SLC10A6: variants seen among roughly 807,000 people sequenced by gnomAD.
SLC10A6 encodes solute carrier family 10 member 6.
SLC10A6 carries 27 observed loss-of-function variants against 30.0 expected under a neutral mutation model. The ratio of observed to expected loss-of-function variants is 0.90; its 90% CI spans 0.66 to 1.24. The LOEUF (loss-of-function observed/expected upper bound fraction) is 1.24, where lower values mean the gene tolerates loss of function less well. Among genes scored for constraint, SLC10A6 ranks in the 50% most tolerant of loss-of-function variants. The probability of loss-of-function intolerance (pLI) is 0.00; values close to 1 mark genes in which losing one functional copy is unlikely to be tolerated. For missense variants in SLC10A6, 439 were observed against 457.0 expected (o/e 0.96, Z 0.36); for synonymous variants, 166 against 173.8 (o/e 0.95, Z 0.36).
intron 1 of SLC10A6, among the ~76,000 whole-genome samples, chr4:86,843,053 T>A (rs1746334271): frequency 6.6e-6 from 1 of 151,832 alleles, no homozygotes; most frequent in Admixed American, 6.6e-5. Context: ...GTATTTTTAG[T>A]AGAGATGGGG....
intron 2 of SLC10A6, 50 bp downstream of exon 2, chr4:86,833,256 A>T: frequency 7.4e-7 from 1 of 1,348,980 alleles, no homozygotes; most frequent in South Asian, 1.2e-5. Flanking sequence ...AGCTATTATT[A>T]GTATCATCAC....
chr4:86,833,274 G>C (rs1746117655), intron 2 of SLC10A6, 32 bp downstream of exon 2: 2 of 1,475,958 alleles, frequency 1.4e-6, no homozygotes, highest in Non-Finnish European at 1.9e-6. Flanking sequence ...CACCATTACT[G>C]TTAGTCCTCC....
intron 1 of SLC10A6, among the ~76,000 whole-genome samples, chr4:86,835,304 C>T (rs1391616499): frequency 6.6e-6 from 1 of 152,166 alleles, no homozygotes; most frequent in Non-Finnish European, 1.5e-5. Context: ...AGAAAGGGAA[C>T]TGATGTGAGA....
At chr4:86,830,734 C>A (rs533237661) in intron 3 of SLC10A6, among the ~76,000 whole-genome samples, 9 of 152,206 alleles carry the variant, frequency 5.9e-5, no homozygotes, top group Admixed American at 5.2e-4. Context: ...TTAAACCAAG[C>A]CAAACCATAA....
chr4:86,825,787 C>T (rs1287655762), intron 4 of SLC10A6, among the ~76,000 whole-genome samples: 2 of 152,144 alleles, frequency 1.3e-5, no homozygotes, highest in Admixed American at 1.3e-4. Context: ...CCCTAGGCAT[C>T]TGAGTAAAAA....
At chr4:86,838,691 G>C (rs1452190413) in intron 1 of SLC10A6, among the ~76,000 whole-genome samples, 1 of 151,950 alleles carries the variant, frequency 6.6e-6, no homozygotes, top group Non-Finnish European at 1.5e-5. Context: ...GGGAGGCCAA[G>C]GCGTGCAGAT....
intron 3 of SLC10A6, among the ~76,000 whole-genome samples, chr4:86,828,702 T>C (rs112870049): frequency 0.015 from 2,320 of 152,214 alleles, 73 homozygotes; most frequent in African/African-American, 0.053. Context: ...TCTGAGCTAA[T>C]ACTCATGATC....
chr4:86,841,047 T>C (rs542201368), intron 1 of SLC10A6, among the ~76,000 whole-genome samples: 2 of 152,350 alleles, frequency 1.3e-5, no homozygotes, highest in East Asian at 1.9e-4. Context: ...TCTTAGTCTA[T>C]GATAGTGCTA....
intron 1 of SLC10A6, chr4:86,837,605 T>C: frequency 1.0e-6 from 1 of 985,444 alleles, no homozygotes; most frequent in South Asian, 4.7e-5. Flanking sequence ...CCCAAATCTA[T>C]TCTTTCCATC....
intron 1 of SLC10A6, among the ~76,000 whole-genome samples, chr4:86,847,053 A>G (rs1002477689): frequency 2.0e-5 from 3 of 152,224 alleles, no homozygotes; most frequent in Non-Finnish European, 2.9e-5. Context: ...GCTGCTATTC[A>G]AAACAGAAGA....
chr4:86,836,169 C>T (rs1746181536), intron 1 of SLC10A6, among the ~76,000 whole-genome samples: 1 of 152,182 alleles, frequency 6.6e-6, no homozygotes, highest in South Asian at 2.1e-4. Context: ...TACTGGAAAA[C>T]TGGTTTGTTT....
At chr4:86,844,714 T>C (rs1746364461) in intron 1 of SLC10A6, among the ~76,000 whole-genome samples, 1 of 152,134 alleles carries the variant, frequency 6.6e-6, no homozygotes, top group African/African-American at 2.4e-5. Flanking sequence ...ATTAGTCCAT[T>C]TTCACACTGC....
intron 3 of SLC10A6, among the ~76,000 whole-genome samples, chr4:86,830,179 T>C (rs1397779829): frequency 2.0e-5 from 3 of 152,160 alleles, no homozygotes; most frequent in African/African-American, 4.8e-5. Flanking sequence ...GAGGATCCCT[T>C]GAGGCCAGGA....
intron 2 of SLC10A6, 29 bp from the exon 3 acceptor site, chr4:86,831,909 T>G: frequency 6.4e-7 from 1 of 1,552,172 alleles, no homozygotes. Context: ...CATGAGAGGG[T>G]TTTCCCTCTC....
At chr4:86,831,156 A>G (rs956972571) in intron 3 of SLC10A6, among the ~76,000 whole-genome samples, 1 of 152,204 alleles carries the variant, frequency 6.6e-6, no homozygotes, top group African/African-American at 2.4e-5. Context: ...TATTTTTAAA[A>G]GCCATTTAAC....
At chr4:86,838,598 A>G (rs1253084996) in intron 1 of SLC10A6, among the ~76,000 whole-genome samples, 3 of 152,182 alleles carry the variant, frequency 2.0e-5, no homozygotes, top group Non-Finnish European at 1.5e-5. Context: ...ACAGCCCCAT[A>G]GCAATCCAGA....
rs1578762958 is a variant in SLC10A6 at position 86,849,334 on chromosome 4, G to A, written c.-219C>T. 3 of 562,144 alleles carry A rather than the reference G, an allele frequency of 5.3e-6. No homozygotes were observed. Among genetic ancestry groups the A allele is most frequent in the Admixed American group, 6.6e-5 (2 of 30,168 alleles). The allele number at this position is 562,144 out of a possible 1,614,324, so 34.8% of individuals were successfully genotyped here. ...AGGCATGAAACATATAATAAACTGT[G>A]GTAAGTAAGGCTTTCCACTTCTGTT... On this transcript the variant is annotated 5_prime_UTR_variant, in exon 1 of 6. Transcript: ENST00000273905.
At chr4:86,848,678 TCA>T in intron 1 of SLC10A6, 59 bp downstream of exon 1, 2 of 1,500,952 alleles carry the variant, frequency 1.3e-6, no homozygotes, top group Non-Finnish European at 1.8e-6. Flanking sequence ...CACAAGAGTT[TCA>T]GTTATTCCCC....
chr4:86,834,461 C>A (rs1435379834), intron 1 of SLC10A6, among the ~76,000 whole-genome samples: 1 of 152,168 alleles, frequency 6.6e-6, no homozygotes, highest in Non-Finnish European at 1.5e-5. Context: ...CAGCTTCATT[C>A]TTTTTATGTC....
Sources: gnomAD v4.1 joint callset for allele counts (sites outside exome capture counted in the v4.1 genomes callset) on GRCh38, gnomAD v4.1.1 for gene constraint, MANE v1.5 for transcripts, NCBI Gene and HGNC (gene_info 2026-07-23, HGNC 2026-07-21) for gene names.